SH3PXD2A: variants seen among roughly 807,000 people sequenced by gnomAD.
SH3PXD2A encodes the protein SH3 and PX domain-containing protein 2A.
A neutral mutation model predicts 115.2 loss-of-function variants in SH3PXD2A; 32 were observed. That is an observed-to-expected ratio of 0.28 (90% CI 0.21 to 0.37). The LOEUF (loss-of-function observed/expected upper bound fraction) is 0.37, where lower values mean the gene tolerates loss of function less well. Among genes scored for constraint, SH3PXD2A ranks in the 10% least tolerant of loss-of-function variants. The pLI is 1.00. For synonymous variants in SH3PXD2A, 610 were observed against 629.1 expected (o/e 0.97, Z 0.45); for missense variants, 1,328 against 1,498.7 (o/e 0.89, Z 1.88).
At chr10:103,728,876 G>GTTTTGT in intron 4 of SH3PXD2A, among the ~76,000 whole-genome samples, 1 of 142,664 alleles carries the variant, frequency 7.0e-6, no homozygotes, top group Non-Finnish European at 1.5e-5. Flanking sequence ...GCAAAGAGTT[G>GTTTTGT]TTTTTTTTGT....
At chr10:103,833,419 A>G (rs542030072) in intron 1 of SH3PXD2A, among the ~76,000 whole-genome samples, 53 of 152,078 alleles carry the variant, frequency 3.5e-4, no homozygotes, top group Non-Finnish European at 6.3e-4. Flanking sequence ...TGTCACTTCA[A>G]TAATTTATCC....
chr10:103,736,861 G>A, intron 3 of SH3PXD2A: 1 of 1,045,326 alleles, frequency 9.6e-7, no homozygotes, highest in Admixed American at 2.3e-5. Flanking sequence ...CAGTCCTTGT[G>A]GTGTCAGTCA....
At chr10:103,621,930 C>T (rs988545731) in intron 10 of SH3PXD2A, among the ~76,000 whole-genome samples, 6 of 152,356 alleles carry the variant, frequency 3.9e-5, no homozygotes, top group East Asian at 1.9e-4. Context: ...TGATGCCAGG[C>T]TGGGTCTGGC....
At chr10:103,820,899 G>T (rs2039373082) in intron 1 of SH3PXD2A, among the ~76,000 whole-genome samples, 1 of 152,168 alleles carries the variant, frequency 6.6e-6, no homozygotes, top group Admixed American at 6.5e-5. Flanking sequence ...AGAAACACAG[G>T]GAAGCCCAAT....
intron 3 of SH3PXD2A, among the ~76,000 whole-genome samples, chr10:103,764,769 G>C (rs185398309): frequency 2.0e-5 from 3 of 152,178 alleles, no homozygotes; most frequent in Non-Finnish European, 4.4e-5. Context: ...GATGTGGAAG[G>C]GAGCCCTGGC....
chr10:103,742,465 C>T (rs2038454775), intron 3 of SH3PXD2A, among the ~76,000 whole-genome samples: 1 of 152,206 alleles, frequency 6.6e-6, no homozygotes, highest in African/African-American at 2.4e-5. Context: ...TCTTTGATTA[C>T]ATCTGCAAAG....
In SH3PXD2A at chr10:103,602,137, C is replaced by A; in HGVS notation, c.3081G>T (p.Glu1027Asp). Residue 1027 changes from glutamate (E) to aspartate (D), a missense_variant, in exon 15 of 15, where the codon GAG (glutamate) becomes GAT (aspartate). Glu to Asp is a conservative substitution (Grantham distance 45). Coordinates refer to ENST00000369774, the MANE Select transcript of SH3PXD2A (RefSeq NM_001394015.1). ...CCCGTTCGGCCAGGCGGCCCTTGGC[C>A]TCGGCGGCAGCGGAGCGAGCAGTGC... The part of the protein sequence containing the change: ...SFSTARSAAA[E>D]AKGRLAERAA... 6.3e-7 allele frequency: 1 copy of A among 1,579,356 alleles called. No homozygotes were observed.
chr10:103,599,183 G>A lies in SH3PXD2A; in HGVS notation c.*2633C>T, dbSNP rs1204142390. 1 of 151,592 alleles carries A rather than the reference G, an allele frequency of 6.6e-6. No individual in the cohort carries two copies. The highest frequency in any genetic ancestry group is 1.5e-5 in the Non-Finnish European group (1 of 67,886). The allele number at this position is 151,592 out of a possible 1,614,324, so 9.4% of individuals were successfully genotyped here. ...TGGGCCGCAGTAACAGGAAGGGATG[G>A]GATAGAGACCTCTGAGGTCTCTTTC... On this transcript the variant is annotated 3_prime_UTR_variant, in exon 15 of 15. Transcript: ENST00000369774.
chr10:103,626,354 A>G (rs2036694034), intron 9 of SH3PXD2A, among the ~76,000 whole-genome samples: 2 of 152,286 alleles, frequency 1.3e-5, no homozygotes, highest in African/African-American at 2.4e-5. Context: ...ATCCATCTGG[A>G]CCATCCCCAC....
chr10:103,820,583 A>C (rs2039368744), intron 1 of SH3PXD2A, among the ~76,000 whole-genome samples: 1 of 151,628 alleles, frequency 6.6e-6, no homozygotes, highest in African/African-American at 2.4e-5. Context: ...CCTCCCTCTG[A>C]CCTCAGCCTG....
At chr10:103,714,043 C>G (rs796178760) in intron 5 of SH3PXD2A, among the ~76,000 whole-genome samples, 1 of 152,206 alleles carries the variant, frequency 6.6e-6, no homozygotes, top group South Asian at 2.1e-4. Flanking sequence ...GCCGAAGACC[C>G]AGGTTCTAGG....
chr10:103,670,411 CTACA>C (rs909978409), intron 6 of SH3PXD2A, among the ~76,000 whole-genome samples: 1 of 152,192 alleles, frequency 6.6e-6, no homozygotes, highest in African/African-American at 2.4e-5. Context: ...GCAGTGCCTA[CTACA>C]TAGTCAGTGC....
rs183649864 is a variant in SH3PXD2A, at chr10:103,820,439, G to A, written c.73-19077C>T. 1.8e-3 allele frequency among the ~76,000 whole-genome samples: 280 copies of A among 152,280 alleles called. 2 individuals are homozygous for A. Among genetic ancestry groups the A allele is most frequent in the Admixed American group, 4.1e-3 (63 of 15,302 alleles). ...AGCCTGCCAGGGGCTGCATCTGGTC[G>A]GGCTTCCCGCCCCAATTCCCCGGTT... On this transcript the variant is annotated intron_variant, in intron 1 of 14. Transcript: ENST00000369774.
rs189466702 is a variant in SH3PXD2A at position 103,702,848 on chromosome 10, G to A, written c.399-9792C>T. The stretch of plus-strand genomic sequence containing the variant: ...TTCCCTTGTTCAGGTGGTGGGGTGA[G>A]GACTTGTGTCGGGGGAGCCAGAGGA... On this transcript the variant is annotated intron_variant, in intron 5 of 14. Transcript: ENST00000369774. 4.6e-5 allele frequency among the ~76,000 whole-genome samples: 7 copies of A among 152,308 alleles called. 1 individual carries two copies. In the South Asian group the frequency reaches 6.2e-4, roughly 14 times the overall value.
chr10:103,850,447 G>A (rs925534910), intron 1 of SH3PXD2A, among the ~76,000 whole-genome samples: 1 of 152,190 alleles, frequency 6.6e-6, no homozygotes, highest in Non-Finnish European at 1.5e-5. Context: ...AGAAGAAACC[G>A]TTCCCATGCT....
chr10:103,765,186 G>A (rs545988066), intron 3 of SH3PXD2A, among the ~76,000 whole-genome samples: 12 of 152,248 alleles, frequency 7.9e-5, no homozygotes, highest in African/African-American at 9.6e-5. Context: ...GGGTGAACCC[G>A]GGCAGTTTGA....
chr10:103,693,225 GCGCCCGCC>G (rs991289267), intron 5 of SH3PXD2A, 169 bp from the exon 6 acceptor site: 48 of 167,606 alleles, frequency 2.9e-4, no homozygotes, highest in Admixed American at 8.0e-4. Context: ...ACTGCGCGCC[GCGCCCGCC>G]CGCCCGCCCG....
chr10:103,653,568 T>C (rs776299432), intron 8 of SH3PXD2A, among the ~76,000 whole-genome samples: 24 of 152,234 alleles, frequency 1.6e-4, no homozygotes, highest in African/African-American at 5.3e-4. Flanking sequence ...ACAGAGCCAG[T>C]AGGTCCACAG....
At chr10:103,730,232 CTTTTT>C (rs67561170) in intron 4 of SH3PXD2A, among the ~76,000 whole-genome samples, 8 of 118,256 alleles carry the variant, frequency 6.8e-5, no homozygotes, top group African/African-American at 6.0e-5. Context: ...TTTCTCGTTT[CTTTTT>C]TTTTTTTTTT....
Sources: allele counts gnomAD v4.1 joint callset (sites outside exome capture counted in the v4.1 genomes callset), GRCh38; gene constraint gnomAD v4.1.1; transcripts MANE v1.5; gene names NCBI Gene and HGNC (gene_info 2026-07-23, HGNC 2026-07-21).